The following UBE2QL1 variants were observed in gnomAD, a reference collection of about 807,000 sequenced individuals.
UBE2QL1 encodes the protein ubiquitin-conjugating enzyme E2Q-like protein 1.
In UBE2QL1, 5 loss-of-function variants were observed where a neutral mutation model predicts 12.6. The observed-to-expected ratio is 0.40, with a 90% confidence interval of 0.21 to 0.83. UBE2QL1 has a LOEUF of 0.83. Ranked by LOEUF, UBE2QL1 falls within the 40% of genes least tolerant of loss-of-function variation. The pLI, the probability that UBE2QL1 is intolerant of heterozygous loss-of-function variation, is 0.37. For missense variants in UBE2QL1, 99 were observed against 222.6 expected, an observed-to-expected ratio of 0.44 and a Z score of 3.53; for synonymous variants, 96 against 94.5, an observed-to-expected ratio of 1.02 and a Z score of -0.10.
chr5:6,471,023 C>T (rs989478920), intron 1 of UBE2QL1, among the ~76,000 whole-genome samples: 1 of 152,108 alleles, frequency 6.6e-6, no homozygotes, highest in Non-Finnish European at 1.5e-5. Flanking sequence ...TCTTTTTTGG[C>T]TTACATATTT....
In UBE2QL1 at chr5:6,459,085, C is replaced by T. The variant is rs2126331111; in HGVS notation, c.354+9838C>T. 1.3e-5 allele frequency among the ~76,000 whole-genome samples: 2 copies of T among 152,178 alleles called. 1 individual carries two copies. The highest frequency in any genetic ancestry group is 6.8e-3 in the Middle Eastern group (2 of 294). The stretch of plus-strand genomic sequence containing the variant: ...TGCCTTCATCCAATGTGAACAATGC[C>T]TAAAACTAATGCAGGAGAGCTGCAG... On this transcript the variant is annotated intron_variant, in intron 1 of 1. Transcript: ENST00000399816.
intron 1 of UBE2QL1, among the ~76,000 whole-genome samples, chr5:6,467,387 A>G (rs1739819441): frequency 6.6e-6 from 1 of 152,072 alleles, no homozygotes; most frequent in Admixed American, 6.5e-5. Context: ...CTGGATCCCG[A>G]GGCTGCTGCT....
In UBE2QL1 at chr5:6,492,795, A is replaced by G. The variant is rs1404274158; in HGVS notation, c.*1446A>G. The G allele has an allele frequency of 6.6e-6, 1 of 152,262 alleles. No homozygotes were observed. Among genetic ancestry groups the G allele is most frequent in the African/African-American group, 2.4e-5 (1 of 41,470 alleles). 9.4% of individuals were successfully genotyped at this position (152,262 alleles called of 1,614,324 possible). On this transcript the variant is annotated 3_prime_UTR_variant, in exon 2 of 2. Transcript: ENST00000399816. Reference sequence around the variant, plus strand: ...TTGAAATAGTCCCCAGAAGCAGCCAAGGAGCTGAAGGGATGATTCGATCAA... The same window carrying G: ...TTGAAATAGTCCCCAGAAGCAGCCAGGGAGCTGAAGGGATGATTCGATCAA...
chr5:6,449,283 C>T, intron 1 of UBE2QL1, 36 bp downstream of exon 1: 4 of 1,350,226 alleles, frequency 3.0e-6, no homozygotes, highest in Admixed American at 3.8e-5. Flanking sequence ...GGCGCGGGGC[C>T]GAGATCGGGT....
chr5:6,473,060 GT>G (rs1739950038), intron 1 of UBE2QL1, among the ~76,000 whole-genome samples: 1 of 152,168 alleles, frequency 6.6e-6, no homozygotes, highest in Non-Finnish European at 1.5e-5. Flanking sequence ...ACAGTCCCAT[GT>G]AAATACAATT....
chr5:6,468,823 C>T (rs571617845), intron 1 of UBE2QL1, among the ~76,000 whole-genome samples: 1 of 152,302 alleles, frequency 6.6e-6, no homozygotes, highest in Admixed American at 6.5e-5. Flanking sequence ...TTGGGGGATA[C>T]ACCAGACCAG....
At chr5:6,466,364 T>A (rs554383660) in intron 1 of UBE2QL1, among the ~76,000 whole-genome samples, 1 of 152,260 alleles carries the variant, frequency 6.6e-6, no homozygotes, top group Non-Finnish European at 1.5e-5. Flanking sequence ...ATCTGCCTCC[T>A]CCCACAGCCT....
chr5:6,489,730 A>G (rs1457737935), intron 1 of UBE2QL1, among the ~76,000 whole-genome samples: 1 of 152,178 alleles, frequency 6.6e-6, no homozygotes, highest in Non-Finnish European at 1.5e-5. Context: ...TTCCCACTGG[A>G]GTTGTCAGTG....
chr5:6,488,037 G>GA (rs913219427), intron 1 of UBE2QL1, among the ~76,000 whole-genome samples: 16 of 151,594 alleles, frequency 1.1e-4, no homozygotes, highest in Non-Finnish European at 1.3e-4. Flanking sequence ...ATGAACCTAT[G>GA]AAAAAAAAAC....
At chr5:6,470,697 G>A (rs760750277) in intron 1 of UBE2QL1, among the ~76,000 whole-genome samples, 7 of 152,200 alleles carry the variant, frequency 4.6e-5, no homozygotes, top group East Asian at 3.8e-4. Flanking sequence ...TGATGTGGAC[G>A]TCTGAGCCAG....
chr5:6,467,233 T>C (rs984939805), intron 1 of UBE2QL1, among the ~76,000 whole-genome samples: 3 of 152,066 alleles, frequency 2.0e-5, no homozygotes. Context: ...AGCTGTGACT[T>C]TTATTCTTGG....
chr5:6,496,674 A>G lies in UBE2QL1; in HGVS notation c.*5325A>G, dbSNP rs1734668532. Among the ~76,000 whole-genome samples, 1 of 150,952 alleles carries G rather than the reference A, an allele frequency of 6.6e-6. No individual in the cohort carries two copies. The highest frequency in any genetic ancestry group is 1.5e-5 in the Non-Finnish European group (1 of 67,136). The stretch of plus-strand genomic sequence containing the variant: ...CTGCCCTAATGAGAAAAAAAAAACA[A>G]TGATTCTAGAAAATAAAACTTTAAA... On this transcript the variant is annotated 3_prime_UTR_variant, in exon 2 of 2. Coordinates refer to ENST00000399816, the MANE Select transcript of UBE2QL1 (RefSeq NM_001145161.3).
intron 1 of UBE2QL1, among the ~76,000 whole-genome samples, chr5:6,456,318 A>G (rs2657018): frequency 0.19 from 28,291 of 152,002 alleles, 2,964 homozygotes; most frequent in East Asian, 0.48. Flanking sequence ...GGGTCCTGGG[A>G]TCAGCAGGGT....
chr5:6,465,162 T>A (rs1739759674), intron 1 of UBE2QL1, among the ~76,000 whole-genome samples: 1 of 152,052 alleles, frequency 6.6e-6, no homozygotes, highest in Admixed American at 6.5e-5. Flanking sequence ...AATTTTTGTA[T>A]TTTTAGTAGA....
chr5:6,467,329 C>G (rs1268517167), intron 1 of UBE2QL1, among the ~76,000 whole-genome samples: 1 of 152,158 alleles, frequency 6.6e-6, no homozygotes, highest in African/African-American at 2.4e-5. Context: ...TGCATTCTCT[C>G]GCAGACTTCC....
At chr5:6,472,572 G>T (rs559356811) in intron 1 of UBE2QL1, among the ~76,000 whole-genome samples, 3 of 152,188 alleles carry the variant, frequency 2.0e-5, no homozygotes, top group African/African-American at 7.2e-5. Context: ...AGCCATTCAG[G>T]TCTCTTCTTT....
chr5:6,466,530 G>A (rs561883408), intron 1 of UBE2QL1, among the ~76,000 whole-genome samples: 7 of 152,356 alleles, frequency 4.6e-5, no homozygotes, highest in African/African-American at 9.6e-5. Flanking sequence ...GGGGCCTGCC[G>A]GACCAGCCCA....
intron 1 of UBE2QL1, among the ~76,000 whole-genome samples, chr5:6,452,934 G>A (rs976687072): frequency 6.6e-6 from 1 of 152,190 alleles, no homozygotes; most frequent in Admixed American, 6.5e-5. Context: ...CACCTCCTGA[G>A]TGTCCCCTTT....
intron 1 of UBE2QL1, among the ~76,000 whole-genome samples, chr5:6,470,818 C>G (rs1252730803): frequency 6.6e-6 from 1 of 152,184 alleles, no homozygotes; most frequent in African/African-American, 2.4e-5. Flanking sequence ...CATAGGGAAA[C>G]TCCCAGAAGT....
Sources: allele counts gnomAD v4.1 joint callset (sites outside exome capture counted in the v4.1 genomes callset), GRCh38; gene constraint gnomAD v4.1.1; transcripts MANE v1.5; gene names NCBI Gene and HGNC (gene_info 2026-07-23, HGNC 2026-07-21).